Variants in CRTC3 observed in about 807,000 individuals in gnomAD.
The protein encoded by CRTC3 is CREB regulated transcription coactivator 3.
In CRTC3, 26 loss-of-function variants were observed where a neutral mutation model predicts 74.5. That is an observed-to-expected ratio of 0.35 (90% CI 0.26 to 0.48). The LOEUF (loss-of-function observed/expected upper bound fraction) is 0.48, where lower values mean the gene tolerates loss of function less well. CRTC3 is among the 20% of genes least tolerant of loss of function. The probability of loss-of-function intolerance (pLI) is 0.99; values close to 1 mark genes in which losing one functional copy is unlikely to be tolerated. For synonymous variants in CRTC3, 377 were observed against 325.8 expected (o/e 1.16, Z -1.69); for missense variants, 760 against 787.3 (o/e 0.97, Z 0.41).
intron 2 of CRTC3, among the ~76,000 whole-genome samples, chr15:90,569,192 T>TA (rs1407826372): frequency 1.3e-5 from 2 of 151,966 alleles, no homozygotes; most frequent in Non-Finnish European, 2.9e-5. Context: ...TTTGTAGAGA[T>TA]AGAGTTTTTC....
chr15:90,641,362 G>A (rs534373053), intron 14 of CRTC3, 163 bp downstream of exon 14: 13 of 605,488 alleles, frequency 2.1e-5, no homozygotes, highest in South Asian at 5.9e-5. Flanking sequence ...CTCAGAGACC[G>A]TGACACAGGG....
At chr15:90,628,015 A>G (rs1170106608) in intron 10 of CRTC3, among the ~76,000 whole-genome samples, 1 of 150,710 alleles carries the variant, frequency 6.6e-6, no homozygotes, top group East Asian at 2.0e-4. Context: ...CAGGAGATCG[A>G]GACCATCCTG....
rs773826094 is a variant in CRTC3, at chr15:90,638,663, G to C, written c.1467+17G>C. 20 of 1,613,530 alleles carry C rather than the reference G, an allele frequency of 1.2e-5. No individual in the cohort carries two copies. In the Admixed American group the frequency reaches 3.3e-4, roughly 27 times the overall value. On this transcript the variant is annotated intron_variant, in intron 12 of 14. Transcript: ENST00000268184. ...CCGGCCCAGGTGAGTTCTGGCAGGA[G>C]CGTTGGTGCAGAGGGAATGCTTGTT...
intron 2 of CRTC3, among the ~76,000 whole-genome samples, chr15:90,573,131 C>T (rs976863225): frequency 2.0e-5 from 3 of 152,132 alleles, no homozygotes; most frequent in South Asian, 2.1e-4. Flanking sequence ...CTAGGTGTCT[C>T]GTACAAGTTA....
intron 1 of CRTC3, among the ~76,000 whole-genome samples, chr15:90,532,987 A>AGGAGGGAGGCTGC (rs2151052367): frequency 7.9e-6 from 1 of 127,350 alleles, no homozygotes; most frequent in East Asian, 2.5e-4. Context: ...CGGGAGGCTG[A>AGGAGGGAGGCTGC]GGCAGGAGAA....
chr15:90,637,303 G>A (rs571280834), intron 11 of CRTC3, among the ~76,000 whole-genome samples: 4 of 152,172 alleles, frequency 2.6e-5, no homozygotes, highest in East Asian at 3.9e-4. Flanking sequence ...CTGTCGCAAG[G>A]ACAAAAAACC....
chr15:90,536,968 C>A (rs1426548906), intron 1 of CRTC3, among the ~76,000 whole-genome samples: 1 of 152,148 alleles, frequency 6.6e-6, no homozygotes, highest in Non-Finnish European at 1.5e-5. Context: ...CTGATTTTTT[C>A]AATTGAAATT....
At chr15:90,616,127 GAAGAA>G (rs1968489197) in intron 7 of CRTC3, among the ~76,000 whole-genome samples, 1 of 152,002 alleles carries the variant, frequency 6.6e-6, no homozygotes, top group Non-Finnish European at 1.5e-5. Flanking sequence ...GGTAACATTT[GAAGAA>G]AAGAGAATCA....
intron 10 of CRTC3, among the ~76,000 whole-genome samples, chr15:90,627,621 CT>C (rs770224809): frequency 2.0e-3 from 294 of 144,464 alleles, no homozygotes; most frequent in African/African-American, 5.9e-3. Context: ...TCTGTATTTT[CT>C]TTTTTTTTTT....
At chr15:90,597,398 C>T (rs542830048) in intron 3 of CRTC3, among the ~76,000 whole-genome samples, 19 of 152,326 alleles carry the variant, frequency 1.2e-4, no homozygotes, top group African/African-American at 4.6e-4. Flanking sequence ...GAAAGGAAGT[C>T]AAGAGTTCAC....
intron 2 of CRTC3, among the ~76,000 whole-genome samples, chr15:90,565,841 C>G (rs1967111409): frequency 6.6e-6 from 1 of 152,166 alleles, no homozygotes; most frequent in African/African-American, 2.4e-5. Flanking sequence ...ATTCCTGTGT[C>G]TCTCCCCCTC....
intron 10 of CRTC3, among the ~76,000 whole-genome samples, chr15:90,626,356 ATTCCT>A (rs750178696): frequency 2.0e-5 from 3 of 152,302 alleles, no homozygotes; most frequent in East Asian, 1.9e-4. Flanking sequence ...ATCTCTCTGG[ATTCCT>A]TTCATTTTCC....
chr15:90,550,923 G>A (rs1966854631), intron 2 of CRTC3, among the ~76,000 whole-genome samples: 1 of 151,998 alleles, frequency 6.6e-6, no homozygotes, highest in Admixed American at 6.6e-5. Context: ...ATTCCAAGCA[G>A]GTGAGAAGCT....
intron 3 of CRTC3, among the ~76,000 whole-genome samples, chr15:90,599,884 T>G (rs1005183022): frequency 6.6e-6 from 1 of 152,224 alleles, no homozygotes; most frequent in East Asian, 1.9e-4. Context: ...TTCCTGAAAT[T>G]AAGCGTTTCT....
intron 2 of CRTC3, among the ~76,000 whole-genome samples, chr15:90,546,758 G>T (rs886450634): frequency 2.0e-5 from 3 of 152,184 alleles, no homozygotes; most frequent in African/African-American, 7.2e-5. Context: ...GAGTAGCTGG[G>T]ACTACAGGTG....
At chr15:90,538,816 G>C (rs1966760616) in intron 1 of CRTC3, among the ~76,000 whole-genome samples, 1 of 149,610 alleles carries the variant, frequency 6.7e-6, no homozygotes, top group South Asian at 2.1e-4. Flanking sequence ...ATCATCGAGG[G>C]AAAGATGGGA....
chr15:90,634,642 C>A, intron 11 of CRTC3: 1 of 539,068 alleles, frequency 1.9e-6, no homozygotes, highest in Non-Finnish European at 3.3e-6. Context: ...GTGCTCTGCT[C>A]ATGTTTAAGA....
intron 2 of CRTC3, among the ~76,000 whole-genome samples, chr15:90,544,475 C>G (rs1837329426): frequency 6.6e-6 from 1 of 152,162 alleles, no homozygotes; most frequent in Admixed American, 6.5e-5. Context: ...TTGCATTGAT[C>G]AGTAGTTCAT....
chr15:90,614,220 C>A, intron 6 of CRTC3: 1 of 455,338 alleles, frequency 2.2e-6, no homozygotes, highest in Non-Finnish European at 3.9e-6. Flanking sequence ...AAGAAAATTT[C>A]AGACAGACAA....
Sources: gnomAD v4.1 joint callset for allele counts (sites outside exome capture counted in the v4.1 genomes callset) on GRCh38, gnomAD v4.1.1 for gene constraint, MANE v1.5 for transcripts, NCBI Gene and HGNC (gene_info 2026-07-23, HGNC 2026-07-21) for gene names.